ZBTB20: variants seen among roughly 807,000 people sequenced by gnomAD.
ZBTB20 encodes the protein zinc finger and BTB domain-containing protein 20.
Under a neutral mutation model 56.9 loss-of-function variants are expected in ZBTB20, and 9 were observed. The observed-to-expected ratio is 0.16, with a 90% CI of 0.10 to 0.28. ZBTB20 has a LOEUF of 0.28. Ranked by LOEUF, ZBTB20 falls within the 10% of genes least tolerant of loss-of-function variation. The pLI is 1.00. For synonymous variants in ZBTB20, 417 were observed against 420.7 expected (o/e 0.99, Z 0.11); for missense variants, 655 against 1,003.0 (o/e 0.65, Z 4.69).
At chr3:114,781,842 G>T (rs2108775997) in intron 5 of ZBTB20, among the ~76,000 whole-genome samples, 1 of 152,250 alleles carries the variant, frequency 6.6e-6, no homozygotes, top group East Asian at 1.9e-4. Flanking sequence ...CCTTTCGCTT[G>T]GCTCTTTCCT....
chr3:114,772,093 A>G (rs909481619), intron 5 of ZBTB20, among the ~76,000 whole-genome samples: 1 of 152,068 alleles, frequency 6.6e-6, no homozygotes, highest in Non-Finnish European at 1.5e-5. Flanking sequence ...AGTAATCCCC[A>G]CTTTCGGAGG....
intron 5 of ZBTB20, among the ~76,000 whole-genome samples, chr3:114,795,072 G>T (rs749686148): frequency 2.6e-5 from 4 of 151,958 alleles, no homozygotes; most frequent in African/African-American, 4.8e-5. Context: ...TAACTAGAAA[G>T]AAAATAAAAT....
At chr3:114,612,207 A>G (rs2057613284) in intron 6 of ZBTB20, among the ~76,000 whole-genome samples, 1 of 152,166 alleles carries the variant, frequency 6.6e-6, no homozygotes, top group Admixed American at 6.6e-5. Context: ...TCTACTATTA[A>G]TCAAGCCTTC....
intron 4 of ZBTB20, among the ~76,000 whole-genome samples, chr3:114,867,228 T>C (rs2075802615): frequency 6.6e-6 from 1 of 152,086 alleles, no homozygotes; most frequent in East Asian, 1.9e-4. Flanking sequence ...AGCTTGTTTA[T>C]GAAATAAGAG....
At chr3:114,649,460 T>G (rs1396293772) in intron 6 of ZBTB20, among the ~76,000 whole-genome samples, 1 of 151,868 alleles carries the variant, frequency 6.6e-6, no homozygotes, top group Non-Finnish European at 1.5e-5. Flanking sequence ...CCACTAACAA[T>G]GTTGCAGATC....
intron 1 of ZBTB20, among the ~76,000 whole-genome samples, chr3:115,142,388 C>A (rs1369454996): frequency 1.3e-5 from 2 of 152,112 alleles, no homozygotes; most frequent in Non-Finnish European, 2.9e-5. Flanking sequence ...TGAGGCTGGG[C>A]ACGGTGGCTC....
At chr3:114,627,369 C>T (rs942214177) in intron 6 of ZBTB20, among the ~76,000 whole-genome samples, 2 of 152,104 alleles carry the variant, frequency 1.3e-5, no homozygotes, top group African/African-American at 2.4e-5. Context: ...ATTATTTTAC[C>T]TAATTCATTA....
chr3:114,720,235 G>C (rs927875930), intron 5 of ZBTB20, among the ~76,000 whole-genome samples: 1 of 149,128 alleles, frequency 6.7e-6, no homozygotes, highest in African/African-American at 2.4e-5. Context: ...ACAAGGTGTA[G>C]TCTCTATTAT....
chr3:114,845,798 C>T (rs150704002), intron 4 of ZBTB20, among the ~76,000 whole-genome samples: 32 of 152,232 alleles, frequency 2.1e-4, no homozygotes, highest in African/African-American at 5.1e-4. Context: ...TTATATACAA[C>T]AAATACATTC....
At chr3:114,414,405 A>G (rs1282830660) in intron 7 of ZBTB20, among the ~76,000 whole-genome samples, 2 of 152,156 alleles carry the variant, frequency 1.3e-5, no homozygotes, top group African/African-American at 4.8e-5. Context: ...GAGAAGAAAC[A>G]TTAGAGAAGA....
At chr3:114,988,930 C>A (rs1467269573) in intron 2 of ZBTB20, among the ~76,000 whole-genome samples, 2 of 152,106 alleles carry the variant, frequency 1.3e-5, no homozygotes, top group Non-Finnish European at 2.9e-5. Context: ...CATCCTTCGC[C>A]CAGTTTTTGA....
intron 7 of ZBTB20, among the ~76,000 whole-genome samples, chr3:114,398,833 T>C (rs2086562194): frequency 6.6e-6 from 1 of 152,170 alleles, no homozygotes; most frequent in Non-Finnish European, 1.5e-5. Context: ...ATTTACAGAA[T>C]CTGCTACTGC....
chr3:115,021,577 C>T (rs996069539), intron 2 of ZBTB20, among the ~76,000 whole-genome samples: 4 of 150,736 alleles, frequency 2.7e-5, no homozygotes, highest in African/African-American at 9.7e-5. Context: ...ATAATGAATG[C>T]AAACTTGAGT....
intron 4 of ZBTB20, among the ~76,000 whole-genome samples, chr3:114,826,879 A>G (rs2073555892): frequency 6.6e-6 from 1 of 151,712 alleles, no homozygotes; most frequent in African/African-American, 2.4e-5. Flanking sequence ...TAAAATTGTG[A>G]AAGAATATTG....
chr3:114,364,066 T>TA lies in ZBTB20; in HGVS notation c.200-12189_200-12188insT, dbSNP rs1378490266. Among the ~76,000 whole-genome samples the TA allele has an allele frequency of 1.1e-3, 6 of 5,446 alleles. No homozygotes were observed. In the East Asian group the frequency reaches 0.21, roughly 194 times the overall value. The allele number at this position is 5,446 out of a possible 152,430, so 3.6% of individuals were successfully genotyped here. ...TCCCAAAATAAACTTCACTGTAATA[T>TA]TTTTTTTTTCACTAGCATACATCCC... On this transcript the variant is annotated intron_variant, in intron 10 of 11. Transcript: ENST00000675478.
At chr3:114,348,165 C>T (rs7634363) in intron 11 of ZBTB20, among the ~76,000 whole-genome samples, 2,734 of 152,242 alleles carry the variant, frequency 0.018, 86 homozygotes, top group African/African-American at 0.062. Flanking sequence ...GTGAATTTTA[C>T]ATCTGATAGG....
At chr3:115,043,181 A>G (rs893281326) in intron 2 of ZBTB20, among the ~76,000 whole-genome samples, 2 of 152,184 alleles carry the variant, frequency 1.3e-5, no homozygotes, top group East Asian at 3.8e-4. Flanking sequence ...TAAAATTTCT[A>G]TATCAGAATT....
intron 3 of ZBTB20, among the ~76,000 whole-genome samples, chr3:114,906,292 T>A (rs911026781): frequency 2.0e-5 from 3 of 151,844 alleles, no homozygotes; most frequent in Non-Finnish European, 4.4e-5. Flanking sequence ...GTGTTTTCAT[T>A]TGAACTCTGT....
intron 6 of ZBTB20, chr3:114,519,801 C>A (rs976436359): frequency 6.6e-6 from 1 of 152,194 alleles, no homozygotes; most frequent in Non-Finnish European, 1.5e-5. Context: ...AACAACCATA[C>A]ATTCTAGAAA....
Sources: allele counts gnomAD v4.1 joint callset (sites outside exome capture counted in the v4.1 genomes callset), GRCh38; gene constraint gnomAD v4.1.1; transcripts MANE v1.5; gene names NCBI Gene and HGNC (gene_info 2026-07-23, HGNC 2026-07-21).